Variants in SUB1 observed in about 807,000 individuals in gnomAD.
SUB1 encodes the protein activated RNA polymerase II transcriptional coactivator p15.
Under a neutral mutation model 16.9 loss-of-function variants are expected in SUB1, and 1 was observed. The ratio of observed to expected loss-of-function variants is 0.06; its 90% CI spans 0.02 to 0.28. The LOEUF (loss-of-function observed/expected upper bound fraction) is 0.28, where lower values mean the gene tolerates loss of function less well. Ranked by LOEUF, SUB1 falls within the 10% of genes least tolerant of loss-of-function variation. The probability of loss-of-function intolerance (pLI) is 1.00; values close to 1 mark genes in which losing one functional copy is unlikely to be tolerated. For missense variants in SUB1, 84 were observed against 145.2 expected (o/e 0.58, Z 2.16); for synonymous variants, 51 against 46.9 (o/e 1.09, Z -0.36).
intron 2 of SUB1, 125 bp downstream of exon 2, chr5:32,588,709 T>C: frequency 1.1e-6 from 1 of 920,562 alleles, no homozygotes. Context: ...CGGTGGCTCA[T>C]GCCTGTTATC....
intron 3 of SUB1, among the ~76,000 whole-genome samples, chr5:32,592,740 C>T (rs1738861463): frequency 6.6e-6 from 1 of 152,028 alleles, no homozygotes; most frequent in African/African-American, 2.4e-5. Context: ...GCTTCTGTAG[C>T]ACCTGAAGGG....
In SUB1 at chr5:32,600,996, T is replaced by TAA; in HGVS notation, c.305-9_305-8insAA. ...ATTTTCACCTTTGAATTTTTAAACT[T>TAA]TGTTTTAGGTATTTCTTTAAATCCA... is the stretch of plus-strand genomic sequence containing the variant. On this transcript the variant is annotated splice_polypyrimidine_tract_variant and intron_variant, in intron 4 of 4. Transcript: ENST00000265073. 1 of 1,610,084 alleles carries TAA rather than the reference T, an allele frequency of 6.2e-7. No individual in the cohort carries two copies. Among genetic ancestry groups the TAA allele is most frequent in the South Asian group, 1.1e-5 (1 of 90,906 alleles).
At chr5:32,598,371 C>T (rs1163634951) in intron 3 of SUB1, 1 of 152,202 alleles carries the variant, frequency 6.6e-6, no homozygotes, top group African/African-American at 2.4e-5. Context: ...TGAGAGATCA[C>T]TTTTTACTGC....
In SUB1 at chr5:32,599,944, T is replaced by C. The variant is rs771605162; in HGVS notation, c.304+875T>C. ...TGCTAGAACGTTAAAGTACAAAATA[T>C]AGAAAATATAAAATTTCTGTTCATA... On this transcript the variant is annotated intron_variant, in intron 4 of 4. Transcript: ENST00000265073. Among the ~76,000 whole-genome samples, 12 of 152,252 alleles carry C rather than the reference T, an allele frequency of 7.9e-5. No homozygotes were observed. In the South Asian group the frequency reaches 8.3e-4, roughly 11 times the overall value.
At chr5:32,596,159 G>C (rs1016663145) in intron 3 of SUB1, 3 of 152,138 alleles carry the variant, frequency 2.0e-5, no homozygotes, top group Non-Finnish European at 2.9e-5. Context: ...ACAGAATAAG[G>C]GGGGACTGGC....
At chr5:32,598,047 CA>C (rs1216672978) in intron 3 of SUB1, 1 of 128,406 alleles carries the variant, frequency 7.8e-6, no homozygotes, top group African/African-American at 2.9e-5. Context: ...ACATATCAAG[CA>C]ATTCAACTTT....
chr5:32,592,344 A>G (rs1010263560), intron 3 of SUB1, among the ~76,000 whole-genome samples: 2 of 152,198 alleles, frequency 1.3e-5, no homozygotes, highest in Admixed American at 1.3e-4. Context: ...TTTTGGCCTG[A>G]TGAGCAACAG....
intron 3 of SUB1, chr5:32,597,776 C>G (rs1033720713): frequency 6.6e-6 from 1 of 151,978 alleles, no homozygotes; most frequent in Non-Finnish European, 1.5e-5. Context: ...GACTGGTAGC[C>G]TTAACAGTAA....
chr5:32,596,320 A>G (rs1385413375), intron 3 of SUB1: 1 of 152,108 alleles, frequency 6.6e-6, no homozygotes, highest in Non-Finnish European at 1.5e-5. Context: ...CTCCAACTTG[A>G]GTGAATATTT....
Position 32,601,090 on chromosome 5 carries a change from G to A in SUB1, c.*6G>A. 6.2e-7 allele frequency: 1 copy of A among 1,609,364 alleles called. No individual in the cohort carries two copies. Among genetic ancestry groups the A allele is most frequent in the Non-Finnish European group, 8.5e-7 (1 of 1,177,632 alleles). On this transcript the variant is annotated 3_prime_UTR_variant, in exon 5 of 5. Coordinates refer to ENST00000265073, the MANE Select transcript of SUB1 (RefSeq NM_006713.4). Reference sequence around the variant, plus strand: ...ATGCAGTAAGAAAACTGTAAAATTCGAGCCATATAAATAAAACCTGTACTG... The same window carrying A: ...ATGCAGTAAGAAAACTGTAAAATTCAAGCCATATAAATAAAACCTGTACTG...
At chr5:32,595,647 A>AT (rs1267500963) in intron 3 of SUB1, 1 of 152,158 alleles carries the variant, frequency 6.6e-6, no homozygotes, top group South Asian at 2.1e-4. Context: ...TTTTGTGGAC[A>AT]TTTTTTCCCT....
intron 3 of SUB1, among the ~76,000 whole-genome samples, chr5:32,593,931 A>G (rs1297394292): frequency 6.6e-6 from 1 of 152,080 alleles, no homozygotes; most frequent in South Asian, 2.1e-4. Context: ...TGACCTCGCC[A>G]TCTGCCTGCC....
chr5:32,593,587 A>G (rs1738884336), intron 3 of SUB1, among the ~76,000 whole-genome samples: 1 of 152,242 alleles, frequency 6.6e-6, no homozygotes, highest in African/African-American at 2.4e-5. Context: ...CTCACCAGAA[A>G]AACGGAGCTT....
chr5:32,593,492 A>G (rs1416499592), intron 3 of SUB1, among the ~76,000 whole-genome samples: 1 of 152,154 alleles, frequency 6.6e-6, no homozygotes, highest in Non-Finnish European at 1.5e-5. Context: ...GTGCAGATGA[A>G]CTATTTAGTT....
At chr5:32,599,094 A>T (rs1172276061) in intron 4 of SUB1, 25 bp downstream of exon 4, 1 of 1,578,984 alleles carries the variant, frequency 6.3e-7, no homozygotes, top group Non-Finnish European at 8.7e-7. Flanking sequence ...CTTGAATTTT[A>T]TTACAGTGTT....
chr5:32,589,262 GT>G (rs527872408), intron 2 of SUB1, among the ~76,000 whole-genome samples: 195 of 152,054 alleles, frequency 1.3e-3, no homozygotes, highest in African/African-American at 4.4e-3. Context: ...AAAAAAAAAT[GT>G]TTTTGTAGGG....
At chr5:32,598,404 T>A (rs769596114) in intron 3 of SUB1, 1 of 152,316 alleles carries the variant, frequency 6.6e-6, no homozygotes, top group African/African-American at 2.4e-5. Flanking sequence ...GTTGGAGACA[T>A]GAACTGCTCA....
At position 32,588,499 on chromosome 5, in the gene SUB1, A is replaced by AT. The variant is rs1169144534; in HGVS notation, c.-1-8dup. Reference sequence around the variant, plus strand: ...ACCTTATTAATTATTTTTGTAATGTATTTTTCTTTCAGGATGCCTAAATCA... The same window carrying AT: ...ACCTTATTAATTATTTTTGTAATGTATTTTTTCTTTCAGGATGCCTAAATCA... On this transcript the variant is annotated splice_polypyrimidine_tract_variant and intron_variant, in intron 1 of 4. Coordinates refer to ENST00000265073, the MANE Select transcript of SUB1 (RefSeq NM_006713.4). The AT allele has an allele frequency of 1.9e-6, 3 of 1,609,194 alleles. No individual in the cohort carries two copies. The highest frequency in any genetic ancestry group is 2.5e-6 in the Non-Finnish European group (3 of 1,177,652).
chr5:32,591,633 C>G lies in SUB1; in HGVS notation c.143C>G (p.Ala48Gly), dbSNP rs1738827947. Residue 48 changes from alanine (A) to glycine (G), a missense_variant, in exon 3 of 5, where the codon GCC becomes GGC. Around this residue, in one of 2 missense-constraint regions of SUB1, gnomAD observed 60 missense variants for 64.9 expected, o/e 0.92. Coordinates refer to ENST00000265073, the MANE Select transcript of SUB1 (RefSeq NM_006713.4). Reference protein sequence around the residue: ...KKQKTGETSRALSSSKQSSSS... With the variant: ...KKQKTGETSRGLSSSKQSSSS... Reference sequence around the variant, plus strand: ...CAAAAGACAGGTGAGACTTCGAGAGCCCTGTCATCTTCTAAACAGAGCAGC... The same window carrying G: ...CAAAAGACAGGTGAGACTTCGAGAGGCCTGTCATCTTCTAAACAGAGCAGC... The G allele has an allele frequency of 1.2e-6, 2 of 1,609,582 alleles. No homozygotes were observed. The highest frequency in any genetic ancestry group is 1.7e-5 in the Admixed American group (1 of 59,344).
Sources: allele counts gnomAD v4.1 joint callset (sites outside exome capture counted in the v4.1 genomes callset), GRCh38; gene constraint gnomAD v4.1.1; regional missense constraint gnomAD v4.1.1; transcripts MANE v1.5; gene names NCBI Gene and HGNC (gene_info 2026-07-23, HGNC 2026-07-21).